The following SPMIP2 variants were observed in gnomAD, a reference collection of about 807,000 sequenced individuals.
SPMIP2 encodes the protein sperm microtubule inner protein 2, also known as protein SPMIP2.
At chr4:158,960,248 A>G in the SPMIP2 span, 2 of 1,212,564 alleles carry the variant, frequency 1.6e-6, no homozygotes, top group East Asian at 4.8e-5. Context: ...TAGGAAAGAA[A>G]CACAGTAATT....
chr4:158,950,561 G>A, the SPMIP2 span, among the ~76,000 whole-genome samples: 1 of 152,140 alleles, frequency 6.6e-6, no homozygotes, highest in Admixed American at 6.5e-5. Context: ...CACAATTTTG[G>A]GGGGAAGACC....
chr4:158,904,730 T>C, the SPMIP2 span: 1 of 582,078 alleles, frequency 1.7e-6, no homozygotes, highest in Non-Finnish European at 3.1e-6. Flanking sequence ...TTACTTGACA[T>C]AATAGCATTT....
At chr4:159,046,070 C>T in the SPMIP2 span, among the ~76,000 whole-genome samples, 1 of 152,002 alleles carries the variant, frequency 6.6e-6, no homozygotes, top group Non-Finnish European at 1.5e-5. Context: ...GGCAACATGG[C>T]GAAACTCTGT....
the SPMIP2 span, among the ~76,000 whole-genome samples, chr4:158,925,824 G>A: frequency 6.6e-6 from 1 of 152,194 alleles, no homozygotes; most frequent in Non-Finnish European, 1.5e-5. Context: ...CATACACTGA[G>A]TGGCTTATAA....
At chr4:158,989,243 G>A in the SPMIP2 span, among the ~76,000 whole-genome samples, 2 of 152,094 alleles carry the variant, frequency 1.3e-5, no homozygotes, top group Non-Finnish European at 2.9e-5. Flanking sequence ...GAGGACACAA[G>A]CAAATGGAAA....
At chr4:158,993,549 C>T in the SPMIP2 span, among the ~76,000 whole-genome samples, 1 of 151,710 alleles carries the variant, frequency 6.6e-6, no homozygotes, top group African/African-American at 2.4e-5. Flanking sequence ...TCATTTAGTT[C>T]GTTCATTTAT....
the SPMIP2 span, among the ~76,000 whole-genome samples, chr4:159,023,685 G>A: frequency 1.3e-5 from 2 of 152,296 alleles, no homozygotes; most frequent in African/African-American, 4.8e-5. Flanking sequence ...AACAGGATTA[G>A]GCTCACATGT....
the SPMIP2 span, among the ~76,000 whole-genome samples, chr4:158,941,870 T>C: frequency 6.6e-6 from 1 of 152,310 alleles, no homozygotes; most frequent in South Asian, 2.1e-4. Flanking sequence ...TTCTTGTTGC[T>C]GTCATTACCA....
chr4:159,082,449 CTGTG>C, the SPMIP2 span, among the ~76,000 whole-genome samples: 253 of 111,638 alleles, frequency 2.3e-3, no homozygotes, highest in Admixed American at 3.3e-3. Context: ...CCACTTTTCT[CTGTG>C]TGTGTGTGTG....
chr4:158,960,397 G>A, the SPMIP2 span: 19 of 1,032,234 alleles, frequency 1.8e-5, no homozygotes, highest in East Asian at 7.5e-5. Flanking sequence ...AGAGGTGGCC[G>A]GTCTAAGTAT....
chr4:159,027,337 A>C, the SPMIP2 span, among the ~76,000 whole-genome samples: 1 of 152,170 alleles, frequency 6.6e-6, no homozygotes, highest in Non-Finnish European at 1.5e-5. Context: ...ATTTCCAACT[A>C]TCTTAGCTTT....
chr4:158,998,228 C>T, the SPMIP2 span, among the ~76,000 whole-genome samples: 1 of 152,094 alleles, frequency 6.6e-6, no homozygotes, highest in African/African-American at 2.4e-5. Context: ...AAAGTGAAAG[C>T]CCACTTTTAG....
At chr4:159,018,411 C>T in the SPMIP2 span, among the ~76,000 whole-genome samples, 3 of 152,324 alleles carry the variant, frequency 2.0e-5, no homozygotes, top group Admixed American at 1.3e-4. Flanking sequence ...TCAGCTGACA[C>T]AGTACGAACC....
the SPMIP2 span, among the ~76,000 whole-genome samples, chr4:158,926,630 A>G: frequency 6.6e-6 from 1 of 151,914 alleles, no homozygotes; most frequent in Non-Finnish European, 1.5e-5. Context: ...AAAAGAATGT[A>G]TTTTCTGTTG....
chr4:158,899,886 T>C, the SPMIP2 span, among the ~76,000 whole-genome samples: 2 of 152,230 alleles, frequency 1.3e-5, no homozygotes, highest in Non-Finnish European at 2.9e-5. Context: ...TGTCTTCTGC[T>C]AGCTTTTGAA....
the SPMIP2 span, among the ~76,000 whole-genome samples, chr4:158,953,512 G>A: frequency 1.3e-5 from 2 of 152,262 alleles, no homozygotes; most frequent in African/African-American, 2.4e-5. Context: ...TTGGAGCAGT[G>A]TGAAAGGGAA....
At chr4:159,018,985 G>A in the SPMIP2 span, among the ~76,000 whole-genome samples, 1 of 152,128 alleles carries the variant, frequency 6.6e-6, no homozygotes, top group Admixed American at 6.5e-5. Context: ...AGCTACTCAG[G>A]AGGCTGAGGC....
the SPMIP2 span, among the ~76,000 whole-genome samples, chr4:158,990,698 A>G: frequency 6.6e-6 from 1 of 152,128 alleles, no homozygotes; most frequent in Admixed American, 6.6e-5. Flanking sequence ...GAACACATGG[A>G]CACAGGCAGG....
the SPMIP2 span, among the ~76,000 whole-genome samples, chr4:159,011,932 G>A: frequency 2.6e-5 from 4 of 151,212 alleles, no homozygotes; most frequent in Admixed American, 2.0e-4. Flanking sequence ...GCGTGGTGGT[G>A]TGCACCTGTA....
Sources: gnomAD v4.1 joint callset for allele counts (sites outside exome capture counted in the v4.1 genomes callset) on GRCh38, gnomAD v4.1.1 for gene constraint, MANE v1.5 for transcripts, NCBI Gene and HGNC (gene_info 2026-07-23, HGNC 2026-07-21) for gene names.